The following PKHD1 variants were observed in gnomAD, a reference collection of about 807,000 sequenced individuals.
The protein encoded by PKHD1 is PKHD1 ciliary IPT domain containing fibrocystin/polyductin.
PKHD1 carries 291 observed loss-of-function variants against 412.0 expected under a neutral mutation model. The observed-to-expected ratio is 0.71, with a 90% confidence interval of 0.64 to 0.78. The LOEUF (loss-of-function observed/expected upper bound fraction) is 0.78, where lower values mean the gene tolerates loss of function less well. PKHD1 is among the 30% of genes least tolerant of loss of function. The pLI is 0.00. For synonymous variants in PKHD1, 1,777 were observed against 1,821.5 expected, an observed-to-expected ratio of 0.98 and a Z score of 0.62; for missense variants, 4,825 against 4,950.7, an observed-to-expected ratio of 0.97 and a Z score of 0.76.
At chr6:51,771,406 G>A (rs1790107362) in intron 55 of PKHD1, among the ~76,000 whole-genome samples, 1 of 152,120 alleles carries the variant, frequency 6.6e-6, no homozygotes, top group African/African-American at 2.4e-5. Flanking sequence ...TGGATCACCT[G>A]AGGTCAGGAG....
intron 60 of PKHD1, among the ~76,000 whole-genome samples, chr6:51,732,498 T>C (rs992704615): frequency 2.0e-5 from 3 of 152,134 alleles, no homozygotes; most frequent in African/African-American, 2.4e-5. Context: ...TGAATAGACA[T>C]TTCTCCAAAA....
rs563837455 is a variant in PKHD1 at position 52,039,458 on chromosome 6, A to G, written c.3097+3401T>C. Among the ~76,000 whole-genome samples the G allele has an allele frequency of 3.3e-5, 5 of 152,318 alleles. No homozygotes were observed. The South Asian group carries it at 8.3e-4, about 25-fold the overall frequency. ...CTCTCTCTCTCCTGTCACTATGTGA[A>G]GATGTGCTTGCTTCCCCTTCACCTT... On this transcript the variant is annotated intron_variant, in intron 27 of 66. Coordinates refer to ENST00000371117, the MANE Select transcript of PKHD1 (RefSeq NM_138694.4).
chr6:52,020,889 G>A lies in PKHD1; in HGVS notation c.5380+1912C>T, dbSNP rs560964078. Among the ~76,000 whole-genome samples the A allele has an allele frequency of 5.6e-5, 8 of 142,468 alleles. No individual in the cohort carries two copies. In the South Asian group the frequency reaches 1.4e-3, roughly 25 times the overall value. The allele number at this position is 142,468 out of a possible 152,430, so 93.5% of individuals were successfully genotyped here. On this transcript the variant is annotated intron_variant, in intron 33 of 66. Coordinates refer to ENST00000371117, the MANE Select transcript of PKHD1 (RefSeq NM_138694.4). ...AGACCTATCCCCTTTGACATTTGAT[G>A]TCCATTATAGACCTACTTCCTAGGG...
chr6:52,027,366 T>C (rs1802355229), intron 31 of PKHD1, among the ~76,000 whole-genome samples: 4 of 151,840 alleles, frequency 2.6e-5, no homozygotes, highest in Non-Finnish European at 5.9e-5. Context: ...ACCCCATCTC[T>C]ACTAAAAATA....
chr6:51,906,168 G>A, intron 41 of PKHD1, 47 bp downstream of exon 41: 1 of 1,544,428 alleles, frequency 6.5e-7, no homozygotes, highest in Non-Finnish European at 8.9e-7. Flanking sequence ...GTGAAAAACT[G>A]TGTCCTACAC....
chr6:51,943,728 T>A (rs911883008), intron 36 of PKHD1, among the ~76,000 whole-genome samples: 4 of 151,526 alleles, frequency 2.6e-5, no homozygotes, highest in African/African-American at 9.7e-5. Flanking sequence ...TACAAAACCA[T>A]ATCCAGGCCA....
chr6:51,627,268 G>C (rs2150279443), intron 65 of PKHD1, 152 bp from the exon 66 acceptor site: 2 of 762,328 alleles, frequency 2.6e-6, no homozygotes, highest in South Asian at 3.0e-5. Context: ...AAGAAATAAT[G>C]GCATAAAATC....
At chr6:52,039,448 CACTA>C (rs1432501516) in intron 27 of PKHD1, among the ~76,000 whole-genome samples, 3 of 152,178 alleles carry the variant, frequency 2.0e-5, no homozygotes, top group African/African-American at 7.2e-5. Flanking sequence ...TCTCTCCTGT[CACTA>C]TGTGAAGATG....
intron 52 of PKHD1, among the ~76,000 whole-genome samples, chr6:51,801,661 G>C (rs944694420): frequency 3.3e-5 from 5 of 151,158 alleles, no homozygotes; most frequent in Non-Finnish European, 7.4e-5. Flanking sequence ...GTGTGAGAGA[G>C]AGAGAGAGAG....
intron 60 of PKHD1, among the ~76,000 whole-genome samples, chr6:51,742,997 C>A (rs939229750): frequency 6.6e-6 from 1 of 151,986 alleles, no homozygotes; most frequent in African/African-American, 2.4e-5. Flanking sequence ...GATACACATA[C>A]CATGTTAAAC....
intron 35 of PKHD1, among the ~76,000 whole-genome samples, chr6:51,987,360 A>T (rs2435325): frequency 0.99 from 150,369 of 152,308 alleles, 74,263 homozygotes; most frequent in East Asian, 1. Flanking sequence ...TATTAGATGT[A>T]GGACACTGCA....
At position 51,748,084 on chromosome 6, in the gene PKHD1, C is replaced by A; in HGVS notation, c.9532G>T (p.Gly3178Cys). Reference sequence around the variant, plus strand: ...AATACATACACTACTGCCAAAAGACCAATAGTATTGTCTACCAGAGTAATG... The same window carrying A: ...AATACATACACTACTGCCAAAAGACAAATAGTATTGTCTACCAGAGTAATG... Reference protein sequence around the residue: ...ENITLVDNTIGLLAVVYVFSA... With the variant: ...ENITLVDNTICLLAVVYVFSA... The change falls in exon 58 of 67, where the codon GGT becomes TGT. Residue 3178 changes from glycine (G) to cysteine (C), a missense_variant. By Grantham distance (159) the Gly-to-Cys change is radical. Transcript: ENST00000371117. 3 of 1,613,748 alleles carry A rather than the reference C, an allele frequency of 1.9e-6. No homozygotes were observed. Among genetic ancestry groups the A allele is most frequent in the South Asian group, 1.1e-5 (1 of 91,066 alleles).
chr6:52,072,127 T>G lies in PKHD1; in HGVS notation c.590A>C (p.Gln197Pro), dbSNP rs769009200. 6.2e-7 allele frequency: 1 copy of G among 1,602,818 alleles called. No individual in the cohort carries two copies. Among genetic ancestry groups the G allele is most frequent in the East Asian group, 2.2e-5 (1 of 44,830 alleles). Residue 197 changes from glutamine to proline, a missense_variant, in exon 8 of 67, where the codon CAG becomes CCG. Transcript: ENST00000371117. ...ATAAGACACTCACCAGCTTCCCATCTGCCTATTTATAAGAGAGCAAGGAGT... is the reference window on the plus strand; with the variant it reads ...ATAAGACACTCACCAGCTTCCCATCGGCCTATTTATAAGAGAGCAAGGAGT... ...WVTPCSLINRQMGSCYPIQED... is the reference protein window; with the variant it reads ...WVTPCSLINRPMGSCYPIQED...
rs55638978 is a variant in PKHD1, at chr6:51,944,337, G to A, written c.5909-10015C>T. Among the ~76,000 whole-genome samples, 1,336 of 151,560 alleles carry A rather than the reference G, an allele frequency of 8.8e-3. 20 individuals carry two copies. Among genetic ancestry groups the A allele is most frequent in the African/African-American group, 0.03 (1,257 of 41,286 alleles). ...ATCTCCCTTCACTGACTCTCTTTTC[G>A]GACTCAGCCCACCTGCACCCAGGTG... On this transcript the variant is annotated intron_variant, in intron 36 of 66. Coordinates refer to ENST00000371117, the MANE Select transcript of PKHD1 (RefSeq NM_138694.4).
intron 62 of PKHD1, among the ~76,000 whole-genome samples, chr6:51,648,500 G>A (rs1770428148): frequency 6.6e-6 from 1 of 152,184 alleles, no homozygotes; most frequent in Non-Finnish European, 1.5e-5. Flanking sequence ...GTGGACCTCA[G>A]TGCCACAGAT....
intron 49 of PKHD1, among the ~76,000 whole-genome samples, chr6:51,853,785 T>C (rs895021078): frequency 2.0e-5 from 3 of 152,170 alleles, no homozygotes; most frequent in Non-Finnish European, 2.9e-5. Flanking sequence ...TATATTCCTC[T>C]CTAAACTGGA....
At chr6:52,058,235 G>T in intron 16 of PKHD1, 88 bp downstream of exon 16, 1 of 1,295,276 alleles carries the variant, frequency 7.7e-7, no homozygotes, top group Non-Finnish European at 1.1e-6. Context: ...GACCCCTCAG[G>T]TCGCCAGACT....
rs1405707219 is a variant in PKHD1 at position 52,073,548 on chromosome 6, G to A, written c.449-7C>T. 6.4e-7 allele frequency: 1 copy of A among 1,554,054 alleles called. No homozygotes were observed. Among genetic ancestry groups the A allele is most frequent in the Non-Finnish European group, 8.9e-7 (1 of 1,127,276 alleles). On this transcript the variant is annotated splice_polypyrimidine_tract_variant and splice_region_variant and intron_variant, in intron 6 of 66. Transcript: ENST00000371117. ...TATACATGTATTAGTTTTCCTGTTT[G>A]AAGAAGAATTTTTTTAATTTAATGG...
At chr6:51,782,867 CCTT>C (rs1485898943) in intron 53 of PKHD1, among the ~76,000 whole-genome samples, 1 of 152,058 alleles carries the variant, frequency 6.6e-6, no homozygotes, top group Non-Finnish European at 1.5e-5. Context: ...AGGTTTGTCT[CCTT>C]CTTATTACTT....
Sources: gnomAD v4.1 joint callset for allele counts (sites outside exome capture counted in the v4.1 genomes callset) on GRCh38, gnomAD v4.1.1 for gene constraint, MANE v1.5 for transcripts, NCBI Gene and HGNC (gene_info 2026-07-23, HGNC 2026-07-21) for gene names.